Variants in GPC6 observed in about 807,000 individuals in gnomAD.
GPC6 encodes the protein glypican-6.
Under a neutral mutation model 55.2 loss-of-function variants are expected in GPC6, and 14 were observed. The observed-to-expected ratio is 0.25, with a 90% CI of 0.17 to 0.40. GPC6 has a LOEUF of 0.40. GPC6 is among the 10% of genes least tolerant of loss of function. GPC6 has a pLI of 1.00. For synonymous variants in GPC6, 278 were observed against 259.6 expected (o/e 1.07, Z -0.68); for missense variants, 641 against 708.5 (o/e 0.90, Z 1.08).
upstream of GPC6, among the ~76,000 whole-genome samples, chr13:93,226,395 T>G (rs559939791): frequency 6.5e-4 from 99 of 152,312 alleles, 1 homozygote; most frequent in South Asian, 0.019. Context: ...CTGTAATGTG[T>G]GCCTTTAGAA....
At chr13:93,612,973 G>A (rs1349524284) in intron 2 of GPC6, among the ~76,000 whole-genome samples, 1 of 152,104 alleles carries the variant, frequency 6.6e-6, no homozygotes, top group Non-Finnish European at 1.5e-5. Flanking sequence ...CTGTTATGCT[G>A]GAATTCATTG....
At chr13:93,800,048 G>A (rs544464327) in intron 2 of GPC6, among the ~76,000 whole-genome samples, 82 of 152,196 alleles carry the variant, frequency 5.4e-4, no homozygotes, top group African/African-American at 1.9e-3. Flanking sequence ...CCATTAACAC[G>A]ATTTACATTG....
intron 4 of GPC6, among the ~76,000 whole-genome samples, chr13:94,114,135 G>A (rs970573930): frequency 5.1e-5 from 6 of 117,394 alleles, no homozygotes; most frequent in African/African-American, 1.9e-4. Context: ...GCAAGATGGT[G>A]TTCTTATTCC....
At chr13:94,304,024 A>G (rs1218932889) in intron 5 of GPC6, among the ~76,000 whole-genome samples, 1 of 152,188 alleles carries the variant, frequency 6.6e-6, no homozygotes, top group Non-Finnish European at 1.5e-5. Context: ...GTCACTTTCA[A>G]AGCAATCCAG....
At chr13:94,202,300 T>C (rs1450287483) in intron 4 of GPC6, among the ~76,000 whole-genome samples, 2 of 152,204 alleles carry the variant, frequency 1.3e-5, no homozygotes, top group Non-Finnish European at 2.9e-5. Flanking sequence ...ATGCTTGTGG[T>C]ACTCTGTTCT....
At chr13:93,549,859 A>G (rs1284139283) in intron 2 of GPC6, among the ~76,000 whole-genome samples, 1 of 152,204 alleles carries the variant, frequency 6.6e-6, no homozygotes, top group Non-Finnish European at 1.5e-5. Flanking sequence ...GTTTCCACTA[A>G]GAATGATGAA....
At chr13:93,878,390 T>C (rs754506859) in intron 3 of GPC6, among the ~76,000 whole-genome samples, 18 of 152,168 alleles carry the variant, frequency 1.2e-4, no homozygotes, top group South Asian at 2.1e-4. Context: ...CCTTTCAGAC[T>C]CTTTTAGACG....
At chr13:93,534,735 C>T (rs1029615456) in intron 1 of GPC6, among the ~76,000 whole-genome samples, 1 of 152,176 alleles carries the variant, frequency 6.6e-6, no homozygotes, top group Admixed American at 6.5e-5. Flanking sequence ...GAGGAGCAGC[C>T]TCATCTCTTC....
chr13:94,093,604 A>C (rs925369740), intron 4 of GPC6, among the ~76,000 whole-genome samples: 5 of 152,060 alleles, frequency 3.3e-5, no homozygotes, highest in Non-Finnish European at 7.4e-5. Flanking sequence ...TTTTCATATA[A>C]ATTTTAGGAT....
chr13:93,878,068 G>A (rs1295403594), intron 3 of GPC6, among the ~76,000 whole-genome samples: 1 of 152,032 alleles, frequency 6.6e-6, no homozygotes, highest in African/African-American at 2.4e-5. Context: ...GAAAAAATAA[G>A]TTGTTATTTG....
chr13:93,445,502 G>C (rs1877967684), intron 1 of GPC6, among the ~76,000 whole-genome samples: 1 of 152,178 alleles, frequency 6.6e-6, no homozygotes, highest in African/African-American at 2.4e-5. Flanking sequence ...CAGTATTCAA[G>C]AGGCTCAAAC....
At chr13:93,244,041 C>T (rs1594049217) in intron 1 of GPC6, among the ~76,000 whole-genome samples, 2 of 152,120 alleles carry the variant, frequency 1.3e-5, no homozygotes, top group East Asian at 3.9e-4. Flanking sequence ...CTGGGTCAGG[C>T]AGTCCCGTGC....
At chr13:93,587,086 A>C (rs1211190848) in intron 2 of GPC6, among the ~76,000 whole-genome samples, 4 of 152,184 alleles carry the variant, frequency 2.6e-5, no homozygotes, top group Non-Finnish European at 5.9e-5. Context: ...AATTGCTTGC[A>C]CTGCAACTTT....
intron 4 of GPC6, among the ~76,000 whole-genome samples, chr13:94,174,178 CAATCTTTGGCAA>C (rs1286020992): frequency 2.0e-5 from 3 of 152,068 alleles, no homozygotes; most frequent in Non-Finnish European, 4.4e-5. Context: ...AGAAAGAAAT[CAATCTTTGGCAA>C]AGCTTGAGTA....
At chr13:93,832,633 T>C (rs1887564555) in intron 3 of GPC6, among the ~76,000 whole-genome samples, 1 of 152,138 alleles carries the variant, frequency 6.6e-6, no homozygotes, top group Non-Finnish European at 1.5e-5. Context: ...CTGCTGGCTA[T>C]CCCTCCTGTT....
chr13:93,526,948 T>A (rs964075618), intron 1 of GPC6, among the ~76,000 whole-genome samples: 5 of 152,124 alleles, frequency 3.3e-5, no homozygotes, highest in African/African-American at 1.2e-4. Flanking sequence ...CTAAGAACTT[T>A]ATCCCAAATA....
At chr13:94,138,412 T>C (rs1200115329) in intron 4 of GPC6, among the ~76,000 whole-genome samples, 1 of 152,216 alleles carries the variant, frequency 6.6e-6, no homozygotes, top group African/African-American at 2.4e-5. Flanking sequence ...CTTCCATTCC[T>C]GTAATCGTTC....
At chr13:93,522,459 A>G (rs1881457271) in intron 1 of GPC6, among the ~76,000 whole-genome samples, 1 of 152,020 alleles carries the variant, frequency 6.6e-6, no homozygotes, top group Admixed American at 6.6e-5. Context: ...TTAGCTAAAT[A>G]ACATCCCTGA....
chr13:93,504,392 G>A lies in GPC6; in HGVS notation c.161-40871G>A, dbSNP rs1880630393. Among the ~76,000 whole-genome samples the A allele has an allele frequency of 2.6e-5, 4 of 151,552 alleles. 1 individual carries two copies. In the South Asian group the frequency reaches 6.3e-4, roughly 24 times the overall value. Reference sequence around the variant, plus strand: ...TATATAATATATGACACATACCTTGGGTTCTCTCAACCCCTTCTCCCCACT... The same window carrying A: ...TATATAATATATGACACATACCTTGAGTTCTCTCAACCCCTTCTCCCCACT... On this transcript the variant is annotated intron_variant, in intron 1 of 8. Coordinates refer to ENST00000377047, the MANE Select transcript of GPC6 (RefSeq NM_005708.5).
Sources: gnomAD v4.1 joint callset for allele counts (sites outside exome capture counted in the v4.1 genomes callset) on GRCh38, gnomAD v4.1.1 for gene constraint, MANE v1.5 for transcripts, NCBI Gene and HGNC (gene_info 2026-07-23, HGNC 2026-07-21) for gene names.